Variants in TMEM117 observed in about 807,000 individuals in gnomAD.
TMEM117 encodes the protein transmembrane protein 117.
A neutral mutation model predicts 52.4 loss-of-function variants in TMEM117; 27 were observed. The observed-to-expected ratio is 0.51, with a 90% CI of 0.38 to 0.71. The LOEUF (loss-of-function observed/expected upper bound fraction) is 0.71, where lower values mean the gene tolerates loss of function less well. Ranked by LOEUF, TMEM117 falls within the 30% of genes least tolerant of loss-of-function variation. TMEM117 has a pLI of 0.00. For missense variants in TMEM117, 556 were observed against 630.5 expected, an observed-to-expected ratio of 0.88 and a Z score of 1.26; for synonymous variants, 215 against 206.3, an observed-to-expected ratio of 1.04 and a Z score of -0.36.
intron 3 of TMEM117, among the ~76,000 whole-genome samples, chr12:43,982,781 C>T (rs767975995): frequency 1.2e-4 from 19 of 152,100 alleles, no homozygotes; most frequent in East Asian, 1.2e-3. Flanking sequence ...CCAAATAGAA[C>T]ACAGAGCGTA....
chr12:44,376,358 T>TAAAAA, intron 6 of TMEM117: 6 of 560,252 alleles, frequency 1.1e-5, no homozygotes, highest in Admixed American at 5.9e-5. Context: ...ATTGGTTTCT[T>TAAAAA]ATTACCACAT....
At chr12:44,128,147 T>G (rs191724603) in intron 3 of TMEM117, among the ~76,000 whole-genome samples, 1 of 152,256 alleles carries the variant, frequency 6.6e-6, no homozygotes, top group Non-Finnish European at 1.5e-5. Flanking sequence ...CCAGCCTGCC[T>G]GCCTGCTGCA....
chr12:44,319,451 T>A (rs932174066), intron 6 of TMEM117, among the ~76,000 whole-genome samples: 2 of 152,182 alleles, frequency 1.3e-5, no homozygotes, highest in African/African-American at 4.8e-5. Context: ...CTTCACTCAC[T>A]TTTATTTACC....
upstream of TMEM117, among the ~76,000 whole-genome samples, chr12:43,832,959 T>C (rs889645072): frequency 6.6e-6 from 1 of 152,238 alleles, no homozygotes; most frequent in African/African-American, 2.4e-5. Context: ...ACTGAGAGGC[T>C]ATTCCTCTGT....
At chr12:44,130,807 T>A (rs919439009) in intron 3 of TMEM117, among the ~76,000 whole-genome samples, 1 of 152,128 alleles carries the variant, frequency 6.6e-6, no homozygotes, top group African/African-American at 2.4e-5. Flanking sequence ...ATTTTTAGTT[T>A]GCATATCATT....
At chr12:44,301,964 G>A (rs1361709992) in intron 6 of TMEM117, among the ~76,000 whole-genome samples, 1 of 152,180 alleles carries the variant, frequency 6.6e-6, no homozygotes, top group Non-Finnish European at 1.5e-5. Context: ...ATAAAGATGA[G>A]TAAAAAATTA....
At chr12:44,397,535 G>A in the TMEM117 span, among the ~76,000 whole-genome samples, 14 of 152,044 alleles carry the variant, frequency 9.2e-5, no homozygotes, top group South Asian at 2.1e-4. Context: ...AACACAAGTC[G>A]GAAGCTCTAA....
intron 2 of TMEM117, among the ~76,000 whole-genome samples, chr12:43,884,964 C>T (rs1943964719): frequency 2.6e-5 from 4 of 152,170 alleles, no homozygotes; most frequent in Admixed American, 2.6e-4. Context: ...TGCTGACTTG[C>T]CCATGGCACG....
chr12:44,267,236 T>A (rs1950389504), intron 5 of TMEM117, among the ~76,000 whole-genome samples: 1 of 152,144 alleles, frequency 6.6e-6, no homozygotes, highest in Non-Finnish European at 1.5e-5. Flanking sequence ...ACTTATTATG[T>A]TACATTTATT....
intron 3 of TMEM117, among the ~76,000 whole-genome samples, chr12:43,959,050 G>T (rs555035270): frequency 6.6e-6 from 1 of 152,046 alleles, no homozygotes; most frequent in Admixed American, 6.6e-5. Flanking sequence ...CTCGTGATCC[G>T]CCCGCCTTGG....
At chr12:44,389,931 C>A (rs767915514), downstream of TMEM117, among the ~76,000 whole-genome samples, 2 of 151,952 alleles carry the variant, frequency 1.3e-5, no homozygotes, top group African/African-American at 2.4e-5. Context: ...TGAGGGAGAT[C>A]ACTTTTAAGG....
the TMEM117 span, among the ~76,000 whole-genome samples, chr12:43,826,658 T>C: frequency 6.6e-6 from 1 of 152,210 alleles, no homozygotes; most frequent in Non-Finnish European, 1.5e-5. Context: ...ATTCAGAGAT[T>C]GTGTAGTCCA....
the TMEM117 span, among the ~76,000 whole-genome samples, chr12:43,819,930 C>G: frequency 6.6e-6 from 1 of 152,134 alleles, no homozygotes; most frequent in East Asian, 1.9e-4. Flanking sequence ...TTTTGTGGTT[C>G]TCTTCTATAT....
At chr12:44,329,596 C>T (rs1018462074) in intron 6 of TMEM117, among the ~76,000 whole-genome samples, 8 of 152,052 alleles carry the variant, frequency 5.3e-5, no homozygotes, top group Admixed American at 3.9e-4. Context: ...TACTACCTCA[C>T]GATGCATCTC....
At chr12:44,229,305 C>T (rs1431743956) in intron 5 of TMEM117, among the ~76,000 whole-genome samples, 1 of 152,074 alleles carries the variant, frequency 6.6e-6, no homozygotes, top group East Asian at 1.9e-4. Context: ...GGTTTCTGGT[C>T]CCAGCAATGA....
At chr12:44,065,708 A>T (rs1353492469) in intron 3 of TMEM117, among the ~76,000 whole-genome samples, 1 of 152,190 alleles carries the variant, frequency 6.6e-6, no homozygotes, top group East Asian at 1.9e-4. Flanking sequence ...TCTGATAGAC[A>T]AGAAAGGGAG....
chr12:43,888,249 C>T (rs1042295525), intron 2 of TMEM117, among the ~76,000 whole-genome samples: 1 of 152,218 alleles, frequency 6.6e-6, no homozygotes, highest in Non-Finnish European at 1.5e-5. Context: ...AAACCCTCCA[C>T]ATTGTACTTC....
chr12:44,220,981 G>T (rs1368168274), intron 5 of TMEM117, among the ~76,000 whole-genome samples: 2 of 152,124 alleles, frequency 1.3e-5, no homozygotes, highest in African/African-American at 2.4e-5. Flanking sequence ...AGATATTCCT[G>T]TCCTCAAGAT....
chr12:44,064,740 TA>T (rs1156349683), intron 3 of TMEM117, among the ~76,000 whole-genome samples: 2 of 152,226 alleles, frequency 1.3e-5, no homozygotes, highest in Non-Finnish European at 2.9e-5. Context: ...TAGCGTTCAA[TA>T]ACATAGCCCT....
Sources: allele counts gnomAD v4.1 joint callset (sites outside exome capture counted in the v4.1 genomes callset), GRCh38; gene constraint gnomAD v4.1.1; transcripts MANE v1.5; gene names NCBI Gene and HGNC (gene_info 2026-07-23, HGNC 2026-07-21).